STK32B: variants seen among roughly 807,000 people sequenced by gnomAD.
The protein encoded by STK32B is serine/threonine-protein kinase 32B.
A neutral mutation model predicts 52.6 loss-of-function variants in STK32B; 43 were observed. The observed-to-expected ratio is 0.82, with a 90% CI of 0.64 to 1.05. The LOEUF is 1.05. Among genes scored for constraint, STK32B ranks in the 50% least tolerant of loss-of-function variants. The probability of loss-of-function intolerance (pLI) is 0.00; values close to 1 mark genes in which losing one functional copy is unlikely to be tolerated. For missense variants in STK32B, 621 were observed against 534.6 expected, an observed-to-expected ratio of 1.16 and a Z score of -1.59; for synonymous variants, 238 against 204.3, an observed-to-expected ratio of 1.17 and a Z score of -1.41.
At position 5,057,100 on chromosome 4, in the gene STK32B, G is replaced by GA. The variant is rs1307840201; in HGVS notation, c.52+5186dup. The stretch of plus-strand genomic sequence containing the variant: ...CTGCAAAGCCTAGAATAAGGCCAAT[G>GA]AGGGCATAGAGCGGCCATTTGTTGA... On this transcript the variant is annotated intron_variant, in intron 1 of 11. Coordinates refer to ENST00000282908, the MANE Select transcript of STK32B (RefSeq NM_018401.3). 2.0e-5 allele frequency among the ~76,000 whole-genome samples: 3 copies of GA among 152,330 alleles called. No individual in the cohort carries two copies. In the East Asian group the frequency reaches 5.8e-4, roughly 29 times the overall value.
At chr4:5,140,451 T>G in intron 2 of STK32B, 1 of 326,948 alleles carries the variant, frequency 3.1e-6, no homozygotes, top group Non-Finnish European at 5.2e-6. Context: ...TTTTTTTTTT[T>G]GGCAATAATT....
intron 1 of STK32B, among the ~76,000 whole-genome samples, chr4:5,133,563 C>G (rs925753305): frequency 2.6e-5 from 4 of 152,116 alleles, no homozygotes; most frequent in Middle Eastern, 3.2e-3. Flanking sequence ...GACTGTGGCT[C>G]TTTGTTAAGG....
intron 1 of STK32B, among the ~76,000 whole-genome samples, chr4:5,130,242 C>A (rs1322122710): frequency 1.3e-5 from 2 of 151,784 alleles, no homozygotes; most frequent in East Asian, 3.9e-4. Flanking sequence ...GGCAGAGGGA[C>A]AGCAGGGCAA....
At chr4:5,486,894 G>A (rs988864153) in intron 11 of STK32B, among the ~76,000 whole-genome samples, 5 of 152,242 alleles carry the variant, frequency 3.3e-5, no homozygotes, top group African/African-American at 7.2e-5. Context: ...TCTTTGAGAA[G>A]TTTCACTGGC....
chr4:5,443,797 G>A (rs1458497305), intron 6 of STK32B, among the ~76,000 whole-genome samples: 1 of 152,098 alleles, frequency 6.6e-6, no homozygotes, highest in African/African-American at 2.4e-5. Flanking sequence ...TGTCCTTTCT[G>A]TTTATTAGTT....
intron 11 of STK32B, among the ~76,000 whole-genome samples, chr4:5,492,379 C>A (rs1202104902): frequency 1.3e-5 from 2 of 151,904 alleles, no homozygotes; most frequent in Admixed American, 1.3e-4. Context: ...GGCTGTTTGT[C>A]TGGTATTGGT....
intron 3 of STK32B, among the ~76,000 whole-genome samples, chr4:5,306,220 A>G (rs937648057): frequency 2.0e-5 from 3 of 152,126 alleles, no homozygotes; most frequent in African/African-American, 7.2e-5. Context: ...TGTTAAGTCC[A>G]TTTGTTCTAG....
the STK32B span, among the ~76,000 whole-genome samples, chr4:5,020,028 T>C: frequency 6.6e-6 from 1 of 152,124 alleles, no homozygotes; most frequent in East Asian, 1.9e-4. Flanking sequence ...GCCCCCAGCC[T>C]CTCAGAAGCC....
At chr4:5,401,333 A>G (rs1055973254) in intron 5 of STK32B, among the ~76,000 whole-genome samples, 2 of 152,182 alleles carry the variant, frequency 1.3e-5, no homozygotes, top group African/African-American at 2.4e-5. Flanking sequence ...CTATTTCAAG[A>G]GTTCCATCAT....
intron 3 of STK32B, among the ~76,000 whole-genome samples, chr4:5,200,522 G>A (rs1722056062): frequency 6.6e-6 from 1 of 152,122 alleles, no homozygotes; most frequent in African/African-American, 2.4e-5. Flanking sequence ...GGACAGTAGA[G>A]CAGGCCCACA....
At chr4:5,318,759 G>T (rs571767289) in intron 3 of STK32B, among the ~76,000 whole-genome samples, 1 of 152,216 alleles carries the variant, frequency 6.6e-6, no homozygotes, top group African/African-American at 2.4e-5. Context: ...GATGCAGTGG[G>T]CTGGATTCAT....
intron 5 of STK32B, among the ~76,000 whole-genome samples, chr4:5,407,817 A>C (rs1311319411): frequency 6.6e-6 from 1 of 152,082 alleles, no homozygotes; most frequent in East Asian, 1.9e-4. Flanking sequence ...CTCTTCCAAC[A>C]CTGATGATTA....
intron 1 of STK32B, among the ~76,000 whole-genome samples, chr4:5,087,375 A>G (rs13134613): frequency 0.25 from 37,656 of 151,842 alleles, 5,574 homozygotes; most frequent in Non-Finnish European, 0.34. Context: ...GAAGGCAGTA[A>G]TAGAGGAATT....
intron 3 of STK32B, among the ~76,000 whole-genome samples, chr4:5,176,632 C>T (rs1719926139): frequency 1.3e-5 from 2 of 151,914 alleles, no homozygotes; most frequent in African/African-American, 2.4e-5. Flanking sequence ...TTAGTAAAGA[C>T]AGGATTTCAC....
At chr4:5,451,060 C>T (rs1318279809) in intron 7 of STK32B, among the ~76,000 whole-genome samples, 2 of 152,200 alleles carry the variant, frequency 1.3e-5, no homozygotes, top group Non-Finnish European at 2.9e-5. Context: ...ATCAGGCCCA[C>T]CTGCAGGGTC....
At chr4:5,339,309 C>T (rs960011370) in intron 4 of STK32B, among the ~76,000 whole-genome samples, 1 of 152,146 alleles carries the variant, frequency 6.6e-6, no homozygotes, top group Non-Finnish European at 1.5e-5. Flanking sequence ...TATCTATATT[C>T]TATTTCTTTT....
chr4:5,260,058 C>T lies in STK32B; in HGVS notation c.261-71162C>T, dbSNP rs1726603022. Among the ~76,000 whole-genome samples, 3 of 149,738 alleles carry T rather than the reference C, an allele frequency of 2.0e-5. No individual in the cohort carries two copies. The South Asian group carries it at 6.3e-4, about 31-fold the overall frequency. ...ATGACTTATCCTCCAATGTGGAAAC[C>T]ATATGCAAACATACACACATACACA... On this transcript the variant is annotated intron_variant, in intron 3 of 11. Coordinates refer to ENST00000282908, the MANE Select transcript of STK32B (RefSeq NM_018401.3).
At chr4:5,079,112 A>G (rs1712255986) in intron 1 of STK32B, among the ~76,000 whole-genome samples, 1 of 152,296 alleles carries the variant, frequency 6.6e-6, no homozygotes, top group East Asian at 1.9e-4. Flanking sequence ...GTCATACTGC[A>G]TTACATTTTG....
chr4:5,385,273 G>A (rs970644340), intron 4 of STK32B, among the ~76,000 whole-genome samples: 2 of 152,098 alleles, frequency 1.3e-5, no homozygotes, highest in Admixed American at 1.3e-4. Context: ...ATTCCGAGGG[G>A]ACAGAAGAAG....
Sources: gnomAD v4.1 joint callset for allele counts (sites outside exome capture counted in the v4.1 genomes callset) on GRCh38, gnomAD v4.1.1 for gene constraint, MANE v1.5 for transcripts, NCBI Gene and HGNC (gene_info 2026-07-23, HGNC 2026-07-21) for gene names.